The following NFXL1 variants were observed in gnomAD, a reference collection of about 807,000 sequenced individuals.
NFXL1 encodes the protein NF-X1-type zinc finger protein NFXL1.
NFXL1 carries 66 observed loss-of-function variants against 123.3 expected under a neutral mutation model. The observed-to-expected ratio is 0.54, with a 90% CI of 0.44 to 0.66. The LOEUF is 0.66. Among genes scored for constraint, NFXL1 ranks in the 30% least tolerant of loss-of-function variants. The pLI is 0.00. For missense variants in NFXL1, 944 were observed against 1,125.6 expected, an observed-to-expected ratio of 0.84 and a Z score of 2.31; for synonymous variants, 346 against 360.8, an observed-to-expected ratio of 0.96 and a Z score of 0.46.
Position 47,890,651 on chromosome 4 carries a change from C to T in NFXL1, c.1505G>A (p.Gly502Glu), listed in dbSNP as rs1359029574. 2.0e-5 allele frequency: 32 copies of T among 1,610,480 alleles called. No homozygotes were observed. The highest frequency in any genetic ancestry group is 2.5e-5 in the Non-Finnish European group (30 of 1,177,110). ...AGATGGACACTTATGGTTTCTACATCCTAAAGTCCGTCCACAGTTTTGATC... is the reference window on the plus strand; with the variant it reads ...AGATGGACACTTATGGTTTCTACATTCTAAAGTCCGTCCACAGTTTTGATC... The part of the protein sequence containing the change: ...PCDQNCGRTL[G>E]CRNHKCPSVC... Residue 502 changes from glycine (G) to glutamate (E), a missense_variant, in exon 12 of 23, where the codon GGA becomes GAA. Gly to Glu is a moderately conservative substitution (Grantham distance 98, BLOSUM62 -2). Around this residue, in one of 4 missense-constraint regions of NFXL1, gnomAD observed 296 missense variants for 395.1 expected, o/e 0.75. Coordinates refer to ENST00000507489, the MANE Select transcript of NFXL1 (RefSeq NM_001278624.2).
intron 3 of NFXL1, among the ~76,000 whole-genome samples, chr4:47,906,334 C>G (rs1737562025): frequency 1.3e-5 from 2 of 152,090 alleles, no homozygotes; most frequent in African/African-American, 4.8e-5. Flanking sequence ...CAGAACTTAC[C>G]ATGGCAATAA....
At chr4:47,907,712 A>T (rs1419600595) in intron 3 of NFXL1, among the ~76,000 whole-genome samples, 1 of 152,252 alleles carries the variant, frequency 6.6e-6, no homozygotes, top group Non-Finnish European at 1.5e-5. Flanking sequence ...CACTTTTAAG[A>T]TTAAAACCAG....
chr4:47,891,126 TTTC>T (rs1736746068), intron 11 of NFXL1, among the ~76,000 whole-genome samples: 2 of 150,960 alleles, frequency 1.3e-5, no homozygotes, highest in Admixed American at 1.3e-4. Context: ...TTTTTTTTTT[TTTC>T]TTGAGACAGA....
intron 18 of NFXL1, 41 bp from the exon 19 acceptor site, chr4:47,862,956 T>C (rs756976181): frequency 1.9e-6 from 2 of 1,040,274 alleles, no homozygotes; most frequent in South Asian, 2.8e-5. Flanking sequence ...CAAAAATCCA[T>C]TTTATAGCAT....
In NFXL1 at chr4:47,848,032, A is replaced by G. The variant is rs960467819; in HGVS notation, c.*131T>C. The G allele has an allele frequency of 5.1e-6, 3 of 586,854 alleles. No individual in the cohort carries two copies. Among genetic ancestry groups the G allele is most frequent in the Non-Finnish European group, 8.6e-6 (3 of 348,752 alleles). The allele number at this position is 586,854 out of a possible 1,614,324, so 36.4% of individuals were successfully genotyped here. ...ATAAAGTTTAACATTCTGTCCTTCT[A>G]ACAACAGCTGAGAGAATACAGAGAT... On this transcript the variant is annotated 3_prime_UTR_variant, in exon 23 of 23. Coordinates refer to ENST00000507489, the MANE Select transcript of NFXL1 (RefSeq NM_001278624.2).
chr4:47,895,003 T>C (rs183214290), intron 10 of NFXL1, among the ~76,000 whole-genome samples: 2 of 152,332 alleles, frequency 1.3e-5, no homozygotes, highest in East Asian at 3.9e-4. Flanking sequence ...GGATATTGTG[T>C]TGGCAGACAT....
At chr4:47,886,444 T>G (rs1220363503) in intron 12 of NFXL1, among the ~76,000 whole-genome samples, 2 of 152,078 alleles carry the variant, frequency 1.3e-5, no homozygotes, top group Non-Finnish European at 2.9e-5. Context: ...CACAGCTCAG[T>G]GCAGCCTCAA....
intron 12 of NFXL1, among the ~76,000 whole-genome samples, chr4:47,888,457 T>C (rs1279430950): frequency 1.3e-5 from 2 of 152,204 alleles, no homozygotes; most frequent in African/African-American, 4.8e-5. Flanking sequence ...ATATTGACAG[T>C]TGCACAACAG....
At chr4:47,891,162 A>T (rs1736748617) in intron 11 of NFXL1, among the ~76,000 whole-genome samples, 1 of 139,704 alleles carries the variant, frequency 7.2e-6, no homozygotes, top group South Asian at 2.2e-4. Context: ...CTCAGGTTAG[A>T]GTGTAATGGC....
chr4:47,864,088 A>G (rs1734917917), intron 18 of NFXL1, among the ~76,000 whole-genome samples: 1 of 152,090 alleles, frequency 6.6e-6, no homozygotes, highest in African/African-American at 2.4e-5. Context: ...TAATACCACA[A>G]AGTTTTTATG....
chr4:47,890,193 G>A (rs535069831), intron 12 of NFXL1, among the ~76,000 whole-genome samples: 24 of 151,722 alleles, frequency 1.6e-4, no homozygotes, highest in Admixed American at 2.6e-4. Context: ...CACCAGCTTC[G>A]GACATATCTA....
At chr4:47,905,168 T>G in intron 4 of NFXL1, 69 bp downstream of exon 4, 1 of 597,082 alleles carries the variant, frequency 1.7e-6, no homozygotes, top group Admixed American at 2.7e-5. Context: ...TAATAAATCG[T>G]TAAGTATTGT....
At chr4:47,886,168 G>A (rs1248032753) in intron 12 of NFXL1, among the ~76,000 whole-genome samples, 169 bp from the exon 13 acceptor site, 1 of 152,074 alleles carries the variant, frequency 6.6e-6, no homozygotes, top group East Asian at 1.9e-4. Flanking sequence ...CCAGACACAA[G>A]GAGTACATAG....
intron 12 of NFXL1, among the ~76,000 whole-genome samples, chr4:47,889,149 G>T (rs915215649): frequency 6.6e-6 from 1 of 152,076 alleles, no homozygotes; most frequent in African/African-American, 2.4e-5. Flanking sequence ...TTATCAAGAT[G>T]ATCTCATTCC....
rs569979380 is a variant in NFXL1, at chr4:47,860,196, C to A, written c.2316+2650G>T. Among the ~76,000 whole-genome samples the A allele has an allele frequency of 8.7e-4, 133 of 152,160 alleles. 1 individual carries two copies. The highest frequency in any genetic ancestry group is 1.4e-3 in the Non-Finnish European group (95 of 68,004). ...GTCATTCCACAATGTATACATATTT[C>A]AAAACATGTTGCCTATGGTAAATAT... On this transcript the variant is annotated intron_variant, in intron 19 of 22. Transcript: ENST00000507489.
At position 47,879,742 on chromosome 4, in the gene NFXL1, G is replaced by C. The variant is rs142894060; in HGVS notation, c.1917-625C>G. 3.8e-4 allele frequency among the ~76,000 whole-genome samples: 58 copies of C among 152,290 alleles called. No individual in the cohort carries two copies. In the East Asian group the frequency reaches 0.011, roughly 29 times the overall value. On this transcript the variant is annotated intron_variant, in intron 15 of 22. Transcript: ENST00000507489. ...AATAGGCAAATAAATGAATGGAAGAGAACAGAGAGACCAGAAATGGAACCA... is the reference window on the plus strand; with the variant it reads ...AATAGGCAAATAAATGAATGGAAGACAACAGAGAGACCAGAAATGGAACCA...
intron 5 of NFXL1, among the ~76,000 whole-genome samples, chr4:47,900,238 C>T (rs1302369425): frequency 3.3e-5 from 5 of 151,754 alleles, no homozygotes; most frequent in Admixed American, 2.6e-4. Context: ...GAGAAAAAGT[C>T]TCACTCTGTC....
chr4:47,890,605 A>T lies in NFXL1; in HGVS notation c.1543+8T>A. 1 of 1,480,184 alleles carries T rather than the reference A, an allele frequency of 6.8e-7. No individual in the cohort carries two copies. Among genetic ancestry groups the T allele is most frequent in the Non-Finnish European group, 9.4e-7 (1 of 1,060,584 alleles). 91.7% of individuals were successfully genotyped at this position (1,480,184 alleles called of 1,614,324 possible). A position where few individuals can be genotyped will look rare whatever the true frequency, so the allele number is the denominator to read the frequency against. ...AAACATAAAATCATAGCTATTATTA[A>T]AGTTTACCTCTGTGACAGACAGATG... is the stretch of plus-strand genomic sequence containing the variant. On this transcript the variant is annotated splice_region_variant and intron_variant, in intron 12 of 22. Transcript: ENST00000507489.
At chr4:47,887,503 T>C (rs1330299144) in intron 12 of NFXL1, among the ~76,000 whole-genome samples, 1 of 152,216 alleles carries the variant, frequency 6.6e-6, no homozygotes, top group African/African-American at 2.4e-5. Context: ...ACACCAAATG[T>C]GTTTTGACAC....
Sources: allele counts gnomAD v4.1 joint callset (sites outside exome capture counted in the v4.1 genomes callset), GRCh38; gene constraint gnomAD v4.1.1; regional missense constraint gnomAD v4.1.1; transcripts MANE v1.5; gene names NCBI Gene and HGNC (gene_info 2026-07-23, HGNC 2026-07-21).